Variants in TCF12 observed in about 807,000 individuals in gnomAD.
The protein encoded by TCF12 is DNA-binding protein HTF4.
TCF12 carries 45 observed loss-of-function variants against 86.0 expected under a neutral mutation model. The observed-to-expected ratio is 0.52, with a 90% CI of 0.41 to 0.67. The LOEUF is 0.67. TCF12 is among the 30% of genes least tolerant of loss of function. The probability of loss-of-function intolerance (pLI) is 0.00; values close to 1 mark genes in which losing one functional copy is unlikely to be tolerated. For missense variants in TCF12, 881 were observed against 859.9 expected (o/e 1.02, Z -0.31); for synonymous variants, 330 against 299.6 (o/e 1.10, Z -1.05).
chr15:56,921,193 A>G (rs2059775713), intron 3 of TCF12, 95 bp downstream of exon 3: 2 of 805,458 alleles, frequency 2.5e-6, no homozygotes, highest in Non-Finnish European at 1.8e-6. Context: ...ATTATTGAAT[A>G]TATGTATATA....
At chr15:57,056,986 G>T (rs778296260) in intron 3 of TCF12, among the ~76,000 whole-genome samples, 15 of 152,194 alleles carry the variant, frequency 9.9e-5, no homozygotes, top group Non-Finnish European at 1.5e-4. Context: ...TGGATATTAT[G>T]AGTGTTATTT....
intron 8 of TCF12, among the ~76,000 whole-genome samples, chr15:57,227,761 C>G (rs776672821): frequency 6.6e-6 from 1 of 151,834 alleles, no homozygotes; most frequent in African/African-American, 2.4e-5. Flanking sequence ...AGAGTTGGTC[C>G]CATGGTAGCT....
intron 6 of TCF12, among the ~76,000 whole-genome samples, chr15:57,179,569 G>A (rs990973770): frequency 1.3e-5 from 2 of 151,990 alleles, no homozygotes; most frequent in South Asian, 2.1e-4. Context: ...GGCTGATTTC[G>A]TTGGCAGGAT....
chr15:56,956,958 C>G (rs555018105), intron 3 of TCF12, among the ~76,000 whole-genome samples: 2 of 152,254 alleles, frequency 1.3e-5, no homozygotes, highest in South Asian at 2.1e-4. Context: ...TATTACCATT[C>G]TGATGATGTT....
At chr15:57,227,199 ACTAT>A (rs1267630245) in intron 8 of TCF12, among the ~76,000 whole-genome samples, 1 of 152,136 alleles carries the variant, frequency 6.6e-6, no homozygotes, top group Non-Finnish European at 1.5e-5. Context: ...AAAAAGAAAA[ACTAT>A]CTTCTTTAGC....
intron 13 of TCF12, chr15:57,246,816 A>T (rs536990547): frequency 9.4e-5 from 32 of 338,870 alleles, no homozygotes; most frequent in South Asian, 7.9e-4. Flanking sequence ...AACTTTTCTG[A>T]CTATGGATCA....
intron 6 of TCF12, among the ~76,000 whole-genome samples, chr15:57,170,652 T>A (rs58357152): frequency 4.5e-5 from 2 of 44,940 alleles, no homozygotes; most frequent in African/African-American, 1.9e-4. Flanking sequence ...AATATATATA[T>A]TATATAAAAT....
chr15:57,121,756 TG>T lies in TCF12; in HGVS notation c.325+29866del, dbSNP rs1159173211. Among the ~76,000 whole-genome samples the T allele has an allele frequency of 2.6e-5, 4 of 152,234 alleles. No homozygotes were observed. The East Asian group carries it at 7.7e-4, about 29-fold the overall frequency. The stretch of plus-strand genomic sequence containing the variant: ...CCATGAGAAATAAATTTGTATTGTT[TG>T]TAAATTACCGATTCTATGGAATTTT... On this transcript the variant is annotated intron_variant, in intron 5 of 20. Transcript: ENST00000333725.
intron 8 of TCF12, among the ~76,000 whole-genome samples, chr15:57,226,384 T>TG (rs2058880782): frequency 6.6e-6 from 1 of 152,170 alleles, no homozygotes; most frequent in Middle Eastern, 3.2e-3. Flanking sequence ...AATTTTGTTA[T>TG]GTTTTGTTAC....
chr15:57,212,525 A>G (rs2058154570), intron 8 of TCF12, among the ~76,000 whole-genome samples: 1 of 152,034 alleles, frequency 6.6e-6, no homozygotes, highest in African/African-American at 2.4e-5. Flanking sequence ...GGATCTTCCC[A>G]CCTTGGCCTC....
chr15:57,051,869 G>A (rs947197364), intron 3 of TCF12, among the ~76,000 whole-genome samples: 1 of 152,138 alleles, frequency 6.6e-6, no homozygotes, highest in Admixed American at 6.5e-5. Context: ...TGGACGTCCA[G>A]TTTTCCCATT....
chr15:57,232,217 A>C (rs778566251), intron 9 of TCF12, 74 bp from the exon 10 acceptor site: 1 of 1,573,642 alleles, frequency 6.4e-7, no homozygotes, highest in Non-Finnish European at 8.7e-7. Context: ...TACCCCTTGA[A>C]TTTTTATAAG....
intron 3 of TCF12, among the ~76,000 whole-genome samples, chr15:57,059,828 A>C (rs1052422645): frequency 2.0e-5 from 3 of 149,536 alleles, no homozygotes; most frequent in African/African-American, 7.4e-5. Flanking sequence ...AAAAAATTCC[A>C]GTTTCCAGTT....
At chr15:57,055,199 C>T (rs745504846) in intron 3 of TCF12, among the ~76,000 whole-genome samples, 7 of 152,020 alleles carry the variant, frequency 4.6e-5, no homozygotes, top group Middle Eastern at 3.2e-3. Flanking sequence ...GTCAGGAGTT[C>T]GAGACCAGCC....
In TCF12 at chr15:57,232,372, C is replaced by G. The variant is rs751836593; in HGVS notation, c.767C>G (p.Ser256Cys). The change falls in exon 10 of 21, where the codon TCC becomes TGC. Residue 256 changes from serine to cysteine, a missense_variant. By Grantham distance (112) the Ser-to-Cys change is moderately radical. Around this residue, in one of 3 missense-constraint regions of TCF12, gnomAD observed 766 missense variants for 718.9 expected, o/e 1.07. Coordinates refer to ENST00000333725, the MANE Select transcript of TCF12 (RefSeq NM_207037.2). ...GGTTTTGGTGGAATTCTGGGGACCT[C>G]CACTTCCCACATGTCTCAATCCAGT... The part of the protein sequence containing the change: ...QPGFGGILGT[S>C]TSHMSQSSSY... 6 of 1,613,536 alleles carry G rather than the reference C, an allele frequency of 3.7e-6. No homozygotes were observed. Among genetic ancestry groups the G allele is most frequent in the Non-Finnish European group, 5.1e-6 (6 of 1,179,838 alleles).
intron 4 of TCF12, among the ~76,000 whole-genome samples, chr15:57,087,323 G>A (rs190302239): frequency 6.6e-6 from 1 of 150,714 alleles, no homozygotes; most frequent in African/African-American, 2.4e-5. Flanking sequence ...GAAGTGGGAG[G>A]ATTGCTTGAG....
At chr15:56,979,374 A>G (rs2062775554) in intron 3 of TCF12, among the ~76,000 whole-genome samples, 1 of 152,132 alleles carries the variant, frequency 6.6e-6, no homozygotes, top group African/African-American at 2.4e-5. Flanking sequence ...TGAGCCCCCA[A>G]ACAAAATTAT....
intron 3 of TCF12, among the ~76,000 whole-genome samples, chr15:56,996,490 T>C (rs1226868214): frequency 2.0e-5 from 3 of 152,088 alleles, no homozygotes; most frequent in African/African-American, 7.2e-5. Flanking sequence ...TATACAAAAA[T>C]TAACTGAAGA....
At chr15:56,993,615 A>G (rs1311759690) in intron 3 of TCF12, among the ~76,000 whole-genome samples, 1 of 152,230 alleles carries the variant, frequency 6.6e-6, no homozygotes, top group Non-Finnish European at 1.5e-5. Flanking sequence ...CTTGGAAATA[A>G]AGGCTGTCAC....
Sources: gnomAD v4.1 joint callset for allele counts (sites outside exome capture counted in the v4.1 genomes callset) on GRCh38, gnomAD v4.1.1 for gene constraint, gnomAD v4.1.1 regional missense constraint, MANE v1.5 for transcripts, NCBI Gene and HGNC (gene_info 2026-07-23, HGNC 2026-07-21) for gene names.